LDLRAD3: variants seen among roughly 807,000 people sequenced by gnomAD.
The protein encoded by LDLRAD3 is low-density lipoprotein receptor class A domain-containing protein 3.
A neutral mutation model predicts 29.4 loss-of-function variants in LDLRAD3; 20 were observed. The ratio of observed to expected loss-of-function variants is 0.68; its 90% CI spans 0.48 to 0.99. LDLRAD3 has a LOEUF of 0.99. LDLRAD3 is among the 50% of genes least tolerant of loss of function. The pLI, the probability that LDLRAD3 is intolerant of heterozygous loss-of-function variation, is 0.00. For synonymous variants in LDLRAD3, 157 were observed against 192.7 expected (o/e 0.81, Z 1.53); for missense variants, 420 against 454.3 (o/e 0.92, Z 0.69).
chr11:36,144,141 G>C (rs536538548), intron 4 of LDLRAD3, among the ~76,000 whole-genome samples: 3 of 152,026 alleles, frequency 2.0e-5, no homozygotes, highest in Admixed American at 2.0e-4. Context: ...GTGTTGGCTG[G>C]GCTGGTCTCC....
intron 4 of LDLRAD3, among the ~76,000 whole-genome samples, chr11:36,170,472 G>T (rs962111231): frequency 1.3e-5 from 2 of 151,954 alleles, no homozygotes; most frequent in African/African-American, 4.8e-5. Context: ...ACATGTATGT[G>T]CAAGTGTATT....
chr11:36,053,197 A>G (rs1852553544), intron 2 of LDLRAD3, among the ~76,000 whole-genome samples: 3 of 152,182 alleles, frequency 2.0e-5, no homozygotes, highest in African/African-American at 7.2e-5. Context: ...TAAACAGACA[A>G]AAGAGTTGAT....
chr11:36,218,262 C>G (rs1855379093), intron 4 of LDLRAD3, among the ~76,000 whole-genome samples: 1 of 152,124 alleles, frequency 6.6e-6, no homozygotes, highest in African/African-American at 2.4e-5. Flanking sequence ...AATGGTGTTC[C>G]TCATTCCAAC....
chr11:36,080,385 G>A (rs532821400), intron 2 of LDLRAD3, among the ~76,000 whole-genome samples: 12 of 152,330 alleles, frequency 7.9e-5, no homozygotes, highest in Middle Eastern at 3.4e-3. Context: ...TGTTTGTGCA[G>A]CATGAGTGGA....
In LDLRAD3 at chr11:36,214,004, C is replaced by T. The variant is rs118186122; in HGVS notation, c.455-13081C>T. On this transcript the variant is annotated intron_variant, in intron 4 of 5. Coordinates refer to ENST00000315571, the MANE Select transcript of LDLRAD3 (RefSeq NM_174902.4). ...TTCAGTGTTCATCTAAACTTTGTGG[C>T]AGGTACAAGTTGTTCATCCTGATTT... 9.4e-4 allele frequency among the ~76,000 whole-genome samples: 143 copies of T among 152,324 alleles called. 1 individual carries two copies. In the East Asian group the frequency reaches 0.025, roughly 27 times the overall value.
At chr11:36,091,505 CAG>C (rs550491473) in intron 3 of LDLRAD3, among the ~76,000 whole-genome samples, 7 of 152,162 alleles carry the variant, frequency 4.6e-5, no homozygotes, top group Admixed American at 4.6e-4. Flanking sequence ...CTCCCTCTGC[CAG>C]AGAGAGAGAC....
intron 2 of LDLRAD3, among the ~76,000 whole-genome samples, chr11:36,061,602 T>A (rs981365000): frequency 3.3e-5 from 5 of 152,180 alleles, no homozygotes; most frequent in Admixed American, 3.3e-4. Context: ...CAATAAATGA[T>A]AGGCTGTCAT....
chr11:36,021,397 G>A (rs776478352), intron 1 of LDLRAD3, among the ~76,000 whole-genome samples: 2 of 152,140 alleles, frequency 1.3e-5, no homozygotes, highest in Non-Finnish European at 2.9e-5. Flanking sequence ...GTGTGTTAAC[G>A]GGAGGCAGAG....
intron 2 of LDLRAD3, among the ~76,000 whole-genome samples, chr11:36,054,868 A>ATGGATGGATGGATGGATGG (rs1291785646): frequency 9.0e-5 from 3 of 33,336 alleles, no homozygotes; most frequent in African/African-American, 3.4e-4. Context: ...TGGATGGATG[A>ATGGATGGATGGATGGATGG]ATGGATGGAT....
chr11:35,969,499 C>T (rs1186550176), intron 1 of LDLRAD3, among the ~76,000 whole-genome samples: 1 of 152,162 alleles, frequency 6.6e-6, no homozygotes, highest in Admixed American at 6.5e-5. Context: ...TTGTGATAGG[C>T]GTTTTGGTTT....
At chr11:36,194,634 C>T (rs1855005283) in intron 4 of LDLRAD3, among the ~76,000 whole-genome samples, 1 of 152,154 alleles carries the variant, frequency 6.6e-6, no homozygotes, top group South Asian at 2.1e-4. Flanking sequence ...ACAATCTCTG[C>T]CAGAAACCCA....
chr11:36,033,863 G>T (rs1405417375), intron 1 of LDLRAD3, among the ~76,000 whole-genome samples: 1 of 152,116 alleles, frequency 6.6e-6, no homozygotes, highest in Non-Finnish European at 1.5e-5. Flanking sequence ...TTGATTCTTG[G>T]CTCGGTGGAA....
chr11:35,972,329 G>T (rs1458808288), intron 1 of LDLRAD3: 1 of 152,198 alleles, frequency 6.6e-6, no homozygotes, highest in East Asian at 1.9e-4. Context: ...GGAGTTATCA[G>T]CATGGAGATG....
chr11:36,225,710 T>TAAA (rs113699622), intron 4 of LDLRAD3, among the ~76,000 whole-genome samples: 6 of 147,296 alleles, frequency 4.1e-5, no homozygotes, highest in African/African-American at 1.5e-4. Flanking sequence ...TTCTTCATCT[T>TAAA]AAAAAAAAAA....
intron 3 of LDLRAD3, among the ~76,000 whole-genome samples, chr11:36,083,769 CA>C (rs1565210931): frequency 6.0e-4 from 79 of 132,070 alleles, no homozygotes; most frequent in East Asian, 2.6e-3. Context: ...CACACACACA[CA>C]CACACACACA....
intron 4 of LDLRAD3, among the ~76,000 whole-genome samples, chr11:36,204,490 C>G (rs1322927710): frequency 9.0e-6 from 1 of 111,094 alleles, no homozygotes; most frequent in Non-Finnish European, 1.8e-5. Context: ...TGGAGTTTCT[C>G]TCTCTTTCTT....
At chr11:36,104,882 C>T (rs1242354455) in intron 4 of LDLRAD3, among the ~76,000 whole-genome samples, 1 of 152,176 alleles carries the variant, frequency 6.6e-6, no homozygotes, top group Non-Finnish European at 1.5e-5. Context: ...GTCAGTCCTA[C>T]TCTTGGCCTG....
At chr11:36,073,616 T>C (rs191385369) in intron 2 of LDLRAD3, among the ~76,000 whole-genome samples, 1 of 152,386 alleles carries the variant, frequency 6.6e-6, no homozygotes, top group East Asian at 1.9e-4. Flanking sequence ...GGCACTCGGC[T>C]GGTTGCCTGT....
At chr11:36,000,702 G>A (rs1431571421) in intron 1 of LDLRAD3, among the ~76,000 whole-genome samples, 1 of 152,152 alleles carries the variant, frequency 6.6e-6, no homozygotes, top group Non-Finnish European at 1.5e-5. Flanking sequence ...AAGTAGGAAG[G>A]CAGGTGGAAC....
Sources: allele counts gnomAD v4.1 joint callset (sites outside exome capture counted in the v4.1 genomes callset), GRCh38; gene constraint gnomAD v4.1.1; transcripts MANE v1.5; gene names NCBI Gene and HGNC (gene_info 2026-07-23, HGNC 2026-07-21).